Variants in DDI2 observed in about 807,000 individuals in gnomAD.
DDI2 encodes protein DDI1 homolog 2.
In DDI2, 5 loss-of-function variants were observed where a neutral mutation model predicts 48.1. The ratio of observed to expected loss-of-function variants is 0.10; its 90% CI spans 0.05 to 0.22. The LOEUF is 0.22. DDI2 is among the 10% of genes least tolerant of loss of function. The pLI, the probability that DDI2 is intolerant of heterozygous loss-of-function variation, is 1.00. For missense variants in DDI2, 285 were observed against 506.2 expected, an observed-to-expected ratio of 0.56 and a Z score of 4.19; for synonymous variants, 205 against 183.6, an observed-to-expected ratio of 1.12 and a Z score of -0.94.
intron 8 of DDI2, chr1:15,656,355 T>G: frequency 1.5e-6 from 2 of 1,293,190 alleles, no homozygotes; most frequent in South Asian, 3.4e-5. Flanking sequence ...GCCCGTGAAT[T>G]CTCTATGTGT....
chr1:15,666,053 G>T lies in DDI2; in HGVS notation c.*6263G>T, dbSNP rs1640448128. On this transcript the variant is annotated 3_prime_UTR_variant, in exon 10 of 10. Coordinates refer to ENST00000480945, the MANE Select transcript of DDI2 (RefSeq NM_032341.5). ...CTAGAAGATGAATGTTACCTTTTGT[G>T]TTAGGAGGTAGAGAAAATAAAAATA... 1.3e-5 allele frequency: 2 copies of T among 152,126 alleles called. No individual in the cohort carries two copies. The highest frequency in any genetic ancestry group is 4.8e-5 in the African/African-American group (2 of 41,420). The allele number at this position is 152,126 out of a possible 1,614,324, so 9.4% of individuals were successfully genotyped here.
chr1:15,658,347 A>G (rs1219207682), intron 9 of DDI2, among the ~76,000 whole-genome samples: 1 of 151,334 alleles, frequency 6.6e-6, no homozygotes, highest in Non-Finnish European at 1.5e-5. Flanking sequence ...ATGAGGTTTC[A>G]CCACGTTGGC....
intron 3 of DDI2, among the ~76,000 whole-genome samples, chr1:15,633,031 C>G (rs1269597167): frequency 6.6e-6 from 1 of 151,444 alleles, no homozygotes; most frequent in African/African-American, 2.4e-5. Flanking sequence ...AGGCCATCCC[C>G]CCACCCTTGA....
chr1:15,617,640 G>T lies in DDI2; in HGVS notation c.-31G>T. The T allele has an allele frequency of 7.3e-7, 1 of 1,369,442 alleles. No individual in the cohort carries two copies. The highest frequency in any genetic ancestry group is 9.5e-7 in the Non-Finnish European group (1 of 1,049,044). 84.8% of individuals were successfully genotyped at this position (1,369,442 alleles called of 1,614,324 possible). A position where few individuals can be genotyped will look rare whatever the true frequency, so the allele number is the denominator to read the frequency against. ...CTGCGCCCCGCGCCCAGGCCGGGCC[G>T]AGCCGAGCCGAGCCGGGTCGGGCCC... On this transcript the variant is annotated 5_prime_UTR_variant, in exon 1 of 10. Transcript: ENST00000480945.
chr1:15,619,486 G>A (rs559993490), intron 1 of DDI2, among the ~76,000 whole-genome samples: 1 of 145,786 alleles, frequency 6.9e-6, no homozygotes, highest in Non-Finnish European at 1.5e-5. Context: ...TTTTTTTCGA[G>A]ACGGAGTCTC....
rs1219975617 is a variant in DDI2 at position 15,630,359 on chromosome 1, G to T, written c.303G>T (p.Val101=). The change falls in exon 3 of 10, where the codon GTG becomes GTT. Residue 101 remains valine (V), a synonymous_variant. Transcript: ENST00000480945. ...LPRIDFSSIA[V]PGTSSPRQRQ... The stretch of plus-strand genomic sequence containing the variant: ...GAATAGATTTCAGTAGTATAGCTGT[G>T]CCTGGCACATCAAGTCCCCGGCAGC... 6.2e-7 allele frequency: 1 copy of T among 1,614,192 alleles called. No individual in the cohort carries two copies. The highest frequency in any genetic ancestry group is 1.1e-5 in the South Asian group (1 of 91,084).
chr1:15,651,592 T>G (rs1468496794), intron 7 of DDI2, 114 bp from the exon 8 acceptor site: 1 of 977,716 alleles, frequency 1.0e-6, no homozygotes, highest in African/African-American at 1.7e-5. Context: ...GTGCTGGGAT[T>G]ACAGGCATGA....
At position 15,629,979 on chromosome 1, in the gene DDI2, A is replaced by G. The variant is rs188526592; in HGVS notation, c.269-346A>G. On this transcript the variant is annotated intron_variant, in intron 2 of 9. Transcript: ENST00000480945. ...ACTTCTGACCTCAGGTGATCCAGCC[A>G]CCTTGACCTCCCAAAGTGCTGGGAT... Among the ~76,000 whole-genome samples the G allele has an allele frequency of 3.3e-3, 497 of 152,200 alleles. 2 individuals carry two copies. Among genetic ancestry groups the G allele is most frequent in the Non-Finnish European group, 5.2e-3 (351 of 67,992 alleles).
In DDI2 at chr1:15,617,731, G is replaced by A. The variant is rs2103457148; in HGVS notation, c.61G>A (p.Val21Ile). 4 of 1,610,846 alleles carry A rather than the reference G, an allele frequency of 2.5e-6. No individual in the cohort carries two copies. In the African/African-American group the frequency reaches 5.3e-5, roughly 21 times the overall value. The change falls in exon 1 of 10, where the codon GTC (valine) becomes ATC (isoleucine). Residue 21 changes from valine to isoleucine, a missense_variant. Physicochemically the swap from Val to Ile is conservative, Grantham distance 29. Coordinates refer to ENST00000480945, the MANE Select transcript of DDI2 (RefSeq NM_032341.5). ...DLSEVTFSLQ[V>I]DADFELHNFR... ...CTCCGAGGTGACCTTTTCCCTCCAGGTCGACGCCGACTTCGAGCTGCACAA... is the reference window on the plus strand; with the variant it reads ...CTCCGAGGTGACCTTTTCCCTCCAGATCGACGCCGACTTCGAGCTGCACAA...
chr1:15,625,583 T>C (rs1639739985), intron 1 of DDI2, among the ~76,000 whole-genome samples: 1 of 152,184 alleles, frequency 6.6e-6, no homozygotes, highest in African/African-American at 2.4e-5. Context: ...CACTTGTATT[T>C]AGTTGTTATT....
intron 5 of DDI2, 25 bp downstream of exon 5, chr1:15,638,459 T>C: frequency 6.2e-7 from 1 of 1,610,072 alleles, no homozygotes; most frequent in Non-Finnish European, 8.5e-7. Flanking sequence ...TTTTATTTCT[T>C]GGTCTCCCCT....
At chr1:15,629,920 CAG>C (rs1639816502) in intron 2 of DDI2, among the ~76,000 whole-genome samples, 1 of 151,932 alleles carries the variant, frequency 6.6e-6, no homozygotes, top group Admixed American at 6.6e-5. Context: ...TTAGTAGAGA[CAG>C]AGTTTCACTA....
At chr1:15,631,034 G>A (rs1326283408) in intron 3 of DDI2, among the ~76,000 whole-genome samples, 2 of 152,106 alleles carry the variant, frequency 1.3e-5, no homozygotes, top group Non-Finnish European at 2.9e-5. Context: ...TATTAGAGAC[G>A]GGGTTTCACC....
rs1176822210 is a variant in DDI2, at chr1:15,651,914, C to T, written c.1183+19C>T. On this transcript the variant is annotated intron_variant, in intron 8 of 9. Transcript: ENST00000480945. Reference sequence around the variant, plus strand: ...GATGCAGGTATTTGGGATGGCCAAACTCTTCAATACTTGTTATTGATGGGT... The same window carrying T: ...GATGCAGGTATTTGGGATGGCCAAATTCTTCAATACTTGTTATTGATGGGT... 1.9e-6 allele frequency: 3 copies of T among 1,605,434 alleles called. No homozygotes were observed. Among genetic ancestry groups the T allele is most frequent in the East Asian group, 2.2e-5 (1 of 44,724 alleles).
intron 3 of DDI2, among the ~76,000 whole-genome samples, chr1:15,631,918 G>A (rs974098784): frequency 5.9e-5 from 9 of 151,760 alleles, no homozygotes; most frequent in Admixed American, 3.9e-4. Context: ...CGATTCTCCC[G>A]CCTCAGTGTC....
chr1:15,623,374 C>T (rs1443448187), intron 1 of DDI2, among the ~76,000 whole-genome samples: 2 of 145,804 alleles, frequency 1.4e-5, no homozygotes, highest in East Asian at 3.9e-4. Context: ...GTTCCAATTG[C>T]AGTTTTCTTC....
At chr1:15,627,715 G>A (rs181148302) in intron 2 of DDI2, among the ~76,000 whole-genome samples, 19 of 152,230 alleles carry the variant, frequency 1.2e-4, no homozygotes, top group South Asian at 8.3e-4. Flanking sequence ...TTTTCCATTC[G>A]CTGCCATATT....
In DDI2 at chr1:15,660,748, T is replaced by C; in HGVS notation, c.*958T>C. The stretch of plus-strand genomic sequence containing the variant: ...CTTGATGGAAGTAGAAACATCAAAA[T>C]GTAACCCTTCATCTGAAATTTTGAA... On this transcript the variant is annotated 3_prime_UTR_variant, in exon 10 of 10. Transcript: ENST00000480945. 6.2e-7 allele frequency: 1 copy of C among 1,613,882 alleles called. No homozygotes were observed.
chr1:15,624,366 G>C (rs1639719759), intron 1 of DDI2, among the ~76,000 whole-genome samples: 1 of 152,192 alleles, frequency 6.6e-6, no homozygotes, highest in Non-Finnish European at 1.5e-5. Flanking sequence ...CTGTGTTGAT[G>C]GTGATGTACT....
Sources: allele counts gnomAD v4.1 joint callset (sites outside exome capture counted in the v4.1 genomes callset), GRCh38; gene constraint gnomAD v4.1.1; transcripts MANE v1.5; gene names NCBI Gene and HGNC (gene_info 2026-07-23, HGNC 2026-07-21).